Variants in ITGA1 observed in about 807,000 individuals in gnomAD.
The protein encoded by ITGA1 is integrin subunit alpha 1, also known as integrin alpha-1.
ITGA1 carries 85 observed loss-of-function variants against 145.9 expected under a neutral mutation model. The observed-to-expected ratio is 0.58, with a 90% CI of 0.49 to 0.70. ITGA1 has a LOEUF of 0.70. Among genes scored for constraint, ITGA1 ranks in the 30% least tolerant of loss-of-function variants. The pLI is 0.00. For synonymous variants in ITGA1, 520 were observed against 495.3 expected (o/e 1.05, Z -0.66); for missense variants, 1,351 against 1,418.7 (o/e 0.95, Z 0.77).
At chr5:52,816,515 G>C (rs1748777896) in intron 1 of ITGA1, among the ~76,000 whole-genome samples, 1 of 152,152 alleles carries the variant, frequency 6.6e-6, no homozygotes, top group Non-Finnish European at 1.5e-5. Flanking sequence ...TTCATTCTTA[G>C]GGAGGGATAG....
At chr5:52,855,141 A>T (rs149404408) in intron 2 of ITGA1, among the ~76,000 whole-genome samples, 117 of 152,302 alleles carry the variant, frequency 7.7e-4, no homozygotes, top group African/African-American at 2.6e-3. Context: ...GGAAACTGAG[A>T]CAGAGAATGA....
At chr5:52,801,484 G>C in intron 1 of ITGA1, 1 of 1,614,098 alleles carries the variant, frequency 6.2e-7, no homozygotes, top group Non-Finnish European at 8.5e-7. Flanking sequence ...CCGCCTTTCA[G>C]ACACTAAAGC....
intron 7 of ITGA1, among the ~76,000 whole-genome samples, chr5:52,886,392 G>A (rs1750047686): frequency 6.6e-6 from 1 of 152,094 alleles, no homozygotes; most frequent in Non-Finnish European, 1.5e-5. Context: ...ATCAGTTATG[G>A]TATATTTAGT....
At chr5:52,898,524 A>G (rs1750267045) in intron 11 of ITGA1, 141 bp downstream of exon 11, 1 of 744,874 alleles carries the variant, frequency 1.3e-6, no homozygotes, top group South Asian at 2.2e-5. Context: ...GAACCCATGC[A>G]AAGTTTTAGG....
intron 1 of ITGA1, among the ~76,000 whole-genome samples, chr5:52,789,621 T>C (rs1748200324): frequency 6.6e-6 from 1 of 152,232 alleles, no homozygotes; most frequent in Middle Eastern, 3.2e-3. Context: ...ATCCAAACAG[T>C]GGTAACTGCT....
intron 7 of ITGA1, among the ~76,000 whole-genome samples, chr5:52,883,831 AT>A (rs1197148213): frequency 6.6e-6 from 1 of 152,172 alleles, no homozygotes; most frequent in Non-Finnish European, 1.5e-5. Context: ...GACAATGACA[AT>A]TTTTTAAGGA....
chr5:52,832,576 A>G (rs1749087987), intron 1 of ITGA1, among the ~76,000 whole-genome samples: 2 of 152,196 alleles, frequency 1.3e-5, no homozygotes, highest in Non-Finnish European at 2.9e-5. Context: ...AAGTTCTTCT[A>G]ATCTCCATAT....
chr5:52,910,500 G>C, intron 14 of ITGA1, 81 bp downstream of exon 14: 2 of 1,447,970 alleles, frequency 1.4e-6, no homozygotes, highest in Non-Finnish European at 1.9e-6. Flanking sequence ...AACTTCATGA[G>C]TTATTTAATT....
chr5:52,865,146 A>T, intron 5 of ITGA1, 64 bp downstream of exon 5: 1 of 1,153,080 alleles, frequency 8.7e-7, no homozygotes, highest in Non-Finnish European at 1.3e-6. Flanking sequence ...AGACGTATGT[A>T]TACAAAGGAA....
At chr5:52,852,476 A>G (rs1749445068) in intron 2 of ITGA1, among the ~76,000 whole-genome samples, 1 of 152,206 alleles carries the variant, frequency 6.6e-6, no homozygotes, top group Admixed American at 6.5e-5. Flanking sequence ...TGAATCAGTA[A>G]ATCTTGGTGG....
chr5:52,809,453 C>G (rs1748648765), intron 1 of ITGA1, among the ~76,000 whole-genome samples: 2 of 151,340 alleles, frequency 1.3e-5, no homozygotes, highest in Non-Finnish European at 2.9e-5. Context: ...CTAGAGAGAT[C>G]AGGTGAAGGG....
At chr5:52,834,600 AAGAG>A (rs199981476) in intron 1 of ITGA1, among the ~76,000 whole-genome samples, 3,139 of 145,172 alleles carry the variant, frequency 0.022, 121 homozygotes, top group African/African-American at 0.076. Context: ...AGAGAGAAGA[AAGAG>A]AGAGAAAGAA....
At chr5:52,820,652 C>T (rs1748864398) in intron 1 of ITGA1, among the ~76,000 whole-genome samples, 1 of 152,028 alleles carries the variant, frequency 6.6e-6, no homozygotes, top group South Asian at 2.1e-4. Context: ...CCACCTACTG[C>T]TAGGGACTCT....
chr5:52,850,856 G>A (rs995782963), intron 2 of ITGA1, among the ~76,000 whole-genome samples: 1 of 152,152 alleles, frequency 6.6e-6, no homozygotes, highest in East Asian at 1.9e-4. Flanking sequence ...AATGAGTACA[G>A]CCCTCCCTCT....
At chr5:52,927,467 C>T (rs1397997023) in intron 19 of ITGA1, 117 bp from the exon 20 acceptor site, 6 of 649,004 alleles carry the variant, frequency 9.2e-6, no homozygotes, top group East Asian at 2.7e-5. Flanking sequence ...CCAGCTAAAT[C>T]GAGACAAAAA....
rs149811138 is a variant in ITGA1 at position 52,898,968 on chromosome 5, T to C, written c.1309+585T>C. ...AGGAGTTGTATGTCTGGTACCACTT[T>C]ATTTGGGATCTATACCAAGCTGAGC... On this transcript the variant is annotated intron_variant, in intron 11 of 28. Transcript: ENST00000282588. Among the ~76,000 whole-genome samples the C allele has an allele frequency of 4.1e-3, 630 of 152,266 alleles. 1 individual carries two copies. The highest frequency in any genetic ancestry group is 7.6e-3 in the Non-Finnish European group (517 of 67,996).
intron 3 of ITGA1, among the ~76,000 whole-genome samples, chr5:52,863,492 G>A (rs549752196): frequency 2.0e-5 from 3 of 151,904 alleles, no homozygotes; most frequent in Admixed American, 6.6e-5. Flanking sequence ...GTTAGGGGTG[G>A]GGGACAAAAA....
At chr5:52,830,492 A>T (rs35165696) in intron 1 of ITGA1, among the ~76,000 whole-genome samples, 66,276 of 151,548 alleles carry the variant, frequency 0.44, 15,484 homozygotes, top group Middle Eastern at 0.63. Context: ...CAGGTTTTTT[A>T]AAAAAAATAA....
intron 1 of ITGA1, 119 bp downstream of exon 1, chr5:52,788,533 G>C (rs1324522772): frequency 3.9e-6 from 3 of 770,856 alleles, no homozygotes; most frequent in Non-Finnish European, 5.7e-6. Context: ...CCACTTTCGG[G>C]CATTCCAGGT....
Sources: allele counts gnomAD v4.1 joint callset (sites outside exome capture counted in the v4.1 genomes callset), GRCh38; gene constraint gnomAD v4.1.1; transcripts MANE v1.5; gene names NCBI Gene and HGNC (gene_info 2026-07-23, HGNC 2026-07-21).